TRPM3: variants seen among roughly 807,000 people sequenced by gnomAD.
The protein encoded by TRPM3 is long transient receptor potential channel 3.
A neutral mutation model predicts 181.2 loss-of-function variants in TRPM3; 77 were observed. The observed-to-expected ratio is 0.42, with a 90% CI of 0.35 to 0.51. The LOEUF (loss-of-function observed/expected upper bound fraction) is 0.51, where lower values mean the gene tolerates loss of function less well. Ranked by LOEUF, TRPM3 falls within the 20% of genes least tolerant of loss-of-function variation. TRPM3 has a pLI of 0.01. For synonymous variants in TRPM3, 745 were observed against 796.4 expected, an observed-to-expected ratio of 0.94 and a Z score of 1.09; for missense variants, 1,759 against 2,196.7, an observed-to-expected ratio of 0.80 and a Z score of 3.98.
At chr9:71,260,224 T>C (rs2082949544) in intron 1 of TRPM3, among the ~76,000 whole-genome samples, 1 of 152,194 alleles carries the variant, frequency 6.6e-6, no homozygotes, top group African/African-American at 2.4e-5. Context: ...GCCTCTGTTC[T>C]GTTCCATTGG....
intron 1 of TRPM3, among the ~76,000 whole-genome samples, chr9:71,409,043 CAGACAAAAAAATGCTG>C (rs371151608): frequency 2.1e-4 from 32 of 152,222 alleles, no homozygotes; most frequent in African/African-American, 7.5e-4. Flanking sequence ...AAATCCTTTA[CAGACAAAAAAATGCTG>C]AGCGATTTTG....
At chr9:70,787,763 C>CTTTTTTTTTTTTTTTTTTT in intron 6 of TRPM3, among the ~76,000 whole-genome samples, 5 of 68,558 alleles carry the variant, frequency 7.3e-5, no homozygotes, top group Admixed American at 1.8e-4. Flanking sequence ...TTTTTGGATT[C>CTTTTTTTTTTTTTTTTTTT]TTTTTTTTTT....
intron 9 of TRPM3, among the ~76,000 whole-genome samples, chr9:70,649,912 G>A (rs1482802664): frequency 6.6e-6 from 1 of 152,104 alleles, no homozygotes; most frequent in Admixed American, 6.5e-5. Context: ...AATCAACCCT[G>A]CCCATTAATG....
At chr9:71,312,533 G>C (rs957084291) in intron 1 of TRPM3, among the ~76,000 whole-genome samples, 1 of 152,004 alleles carries the variant, frequency 6.6e-6, no homozygotes, top group African/African-American at 2.4e-5. Flanking sequence ...ATACAACCCA[G>C]CAATTGTACC....
At position 70,862,914 on chromosome 9, in the gene TRPM3, T is replaced by C. The variant is rs140494112; in HGVS notation, c.456A>G (p.Lys152=). 9.1e-4 allele frequency: 1,464 copies of C among 1,613,274 alleles called. 4 individuals are homozygous for C. The highest frequency in any genetic ancestry group is 1.2e-3 in the Non-Finnish European group (1,360 of 1,179,570). ...IEFQGGGHSN[K]AMYVRVSFDT... ...TGAATGGCTTTCTGATTACCATGGCTTTGTTGGAATGGCCACCTCCTTGGA... is the reference window on the plus strand; with the variant it reads ...TGAATGGCTTTCTGATTACCATGGCCTTGTTGGAATGGCCACCTCCTTGGA... Residue 152 remains lysine, a synonymous_variant, in exon 3 of 26, where the codon AAA becomes AAG. Coordinates refer to ENST00000677713, the MANE Select transcript of TRPM3 (RefSeq NM_001366145.2).
chr9:70,553,655 T>TGTGCCCAGG (rs1165563599), intron 22 of TRPM3, among the ~76,000 whole-genome samples: 2 of 152,294 alleles, frequency 1.3e-5, no homozygotes, highest in Non-Finnish European at 2.9e-5. Flanking sequence ...TTTTCTTGGG[T>TGTGCCCAGG]GTGCCCAGGG....
intron 6 of TRPM3, among the ~76,000 whole-genome samples, chr9:70,801,388 ATTTC>A (rs1427670987): frequency 6.6e-6 from 1 of 152,190 alleles, no homozygotes; most frequent in East Asian, 1.9e-4. Context: ...TATCAGAGCT[ATTTC>A]TTTCTCTAGC....
intron 1 of TRPM3, among the ~76,000 whole-genome samples, chr9:71,296,988 CTTTTTTTTTT>C (rs398010878): frequency 2.0e-5 from 2 of 97,872 alleles, no homozygotes; most frequent in African/African-American, 3.8e-5. Flanking sequence ...TGAATCTTTT[CTTTTTTTTTT>C]TTTTTTTTTT....
At position 70,803,509 on chromosome 9, in the gene TRPM3, T is replaced by C. The variant is rs370794191; in HGVS notation, c.974-19230A>G. 5.3e-4 allele frequency among the ~76,000 whole-genome samples: 75 copies of C among 140,604 alleles called. 2 individuals are homozygous for C. Among genetic ancestry groups the C allele is most frequent in the African/African-American group, 1.7e-3 (65 of 37,892 alleles). The allele number at this position is 140,604 out of a possible 152,430, so 92.2% of individuals were successfully genotyped here. ...CTCAGCCTGGGCTGGAGTGCAGTGG[T>C]GCGATCTCGGCTCACTGCAAGCTCC... On this transcript the variant is annotated intron_variant, in intron 6 of 25. Coordinates refer to ENST00000677713, the MANE Select transcript of TRPM3 (RefSeq NM_001366145.2).
chr9:70,859,496 A>G (rs2095472068), intron 3 of TRPM3, among the ~76,000 whole-genome samples: 1 of 152,174 alleles, frequency 6.6e-6, no homozygotes, highest in South Asian at 2.1e-4. Flanking sequence ...TATAAACATA[A>G]AACAAGGTAT....
At chr9:71,075,809 C>G (rs549780161) in intron 1 of TRPM3, among the ~76,000 whole-genome samples, 4 of 152,226 alleles carry the variant, frequency 2.6e-5, no homozygotes, top group African/African-American at 9.6e-5. Context: ...TCTTGATGAA[C>G]AGAAATACTG....
At chr9:70,969,756 T>TTATATTTATATATATATATATATA (rs924887097) in intron 1 of TRPM3, among the ~76,000 whole-genome samples, 1 of 126,590 alleles carries the variant, frequency 7.9e-6, no homozygotes, top group African/African-American at 2.8e-5. Context: ...CTGAATGATT[T>TTATATTTATATATATATATATATA]TATATATATA....
At chr9:71,049,001 T>A (rs954253681) in intron 1 of TRPM3, among the ~76,000 whole-genome samples, 1 of 152,190 alleles carries the variant, frequency 6.6e-6, no homozygotes, top group Non-Finnish European at 1.5e-5. Flanking sequence ...CCCTTCAAAC[T>A]CACATTCTTA....
At chr9:70,802,514 A>G (rs1474454662) in intron 6 of TRPM3, among the ~76,000 whole-genome samples, 1 of 152,224 alleles carries the variant, frequency 6.6e-6, no homozygotes, top group Non-Finnish European at 1.5e-5. Flanking sequence ...GTTTAATGTG[A>G]TAAATTACAT....
intron 1 of TRPM3, among the ~76,000 whole-genome samples, chr9:71,172,513 C>T (rs2076917303): frequency 6.6e-6 from 1 of 152,092 alleles, no homozygotes; most frequent in African/African-American, 2.4e-5. Context: ...CTCAAGCAAT[C>T]CTCCCACTTT....
At chr9:71,212,103 G>GT (rs560909183) in intron 1 of TRPM3, among the ~76,000 whole-genome samples, 5 of 152,136 alleles carry the variant, frequency 3.3e-5, no homozygotes, top group South Asian at 4.2e-4. Context: ...TGATTTCATG[G>GT]TTTTTTTGTT....
intron 22 of TRPM3, among the ~76,000 whole-genome samples, chr9:70,564,918 CA>C (rs1266771207): frequency 6.6e-6 from 1 of 152,196 alleles, no homozygotes; most frequent in Admixed American, 6.5e-5. Context: ...TCTGTACTTA[CA>C]GCTCACGGTT....
chr9:70,836,227 T>TGG (rs2094311169), intron 5 of TRPM3, among the ~76,000 whole-genome samples: 2 of 152,104 alleles, frequency 1.3e-5, no homozygotes, highest in Non-Finnish European at 2.9e-5. Flanking sequence ...CATCACCTCA[T>TGG]GGCCCTTCTA....
chr9:70,538,935 C>T (rs904511459), intron 25 of TRPM3, among the ~76,000 whole-genome samples: 1 of 152,122 alleles, frequency 6.6e-6, no homozygotes, highest in African/African-American at 2.4e-5. Context: ...AAGGACAAAC[C>T]AAAGCCAAGT....
Sources: gnomAD v4.1 joint callset for allele counts (sites outside exome capture counted in the v4.1 genomes callset) on GRCh38, gnomAD v4.1.1 for gene constraint, MANE v1.5 for transcripts, NCBI Gene and HGNC (gene_info 2026-07-23, HGNC 2026-07-21) for gene names.